The following CATSPERG variants were observed in gnomAD, a reference collection of about 807,000 sequenced individuals.
CATSPERG encodes cation channel sperm-associated auxiliary subunit gamma.
CATSPERG carries 115 observed loss-of-function variants against 145.0 expected under a neutral mutation model. The ratio of observed to expected loss-of-function variants is 0.79; its 90% CI spans 0.68 to 0.93. CATSPERG has a LOEUF of 0.93. Ranked by LOEUF, CATSPERG falls within the 40% of genes least tolerant of loss-of-function variation. The pLI is 0.00. For missense variants in CATSPERG, 1,296 were observed against 1,490.1 expected (o/e 0.87, Z 2.14); for synonymous variants, 588 against 589.0 (o/e 1.00, Z 0.02).
chr19:38,366,980 C>T (rs983021951), intron 22 of CATSPERG, 176 bp from the exon 23 acceptor site: 8 of 613,548 alleles, frequency 1.3e-5, no homozygotes, highest in Non-Finnish European at 2.2e-5. Flanking sequence ...AGGCATGAGC[C>T]ACTGCACCAG....
chr19:38,361,902 T>G lies in CATSPERG; in HGVS notation c.2094+41T>G, dbSNP rs376952947. ...CGGGCGGGCAGGCCTGAGACGGGACTGGGGCAGCCGGGAGCTGGCTTAGAG... is the reference window on the plus strand; with the variant it reads ...CGGGCGGGCAGGCCTGAGACGGGACGGGGGCAGCCGGGAGCTGGCTTAGAG... On this transcript the variant is annotated intron_variant, in intron 17 of 28. Transcript: ENST00000409235. 4.0e-5 allele frequency: 52 copies of G among 1,291,986 alleles called. No homozygotes were observed. The African/African-American group carries it at 7.9e-4, about 20-fold the overall frequency. 80.0% of individuals were successfully genotyped at this position (1,291,986 alleles called of 1,614,324 possible). A position where few individuals can be genotyped will look rare whatever the true frequency, so the allele number is the denominator to read the frequency against.
chr19:38,350,425 T>G (rs1165539434), intron 7 of CATSPERG, among the ~76,000 whole-genome samples: 2 of 152,216 alleles, frequency 1.3e-5, no homozygotes, highest in African/African-American at 4.8e-5. Context: ...TCACCCAGGC[T>G]GGAGTGCAGT....
In CATSPERG at chr19:38,361,631, C is replaced by G; in HGVS notation, c.1881-17C>G. On this transcript the variant is annotated splice_polypyrimidine_tract_variant and intron_variant, in intron 16 of 28. Transcript: ENST00000409235. The stretch of plus-strand genomic sequence containing the variant: ...GTGCCTTAGAGCCAGCAGCCTTTCC[C>G]CCTTGCCACTGCCCAGGGGCTACTT... 1 of 1,602,284 alleles carries G rather than the reference C, an allele frequency of 6.2e-7. No homozygotes were observed. Among genetic ancestry groups the G allele is most frequent in the Non-Finnish European group, 8.5e-7 (1 of 1,176,578 alleles).
intron 3 of CATSPERG, among the ~76,000 whole-genome samples, chr19:38,338,949 G>T (rs944313136): frequency 1.1e-4 from 16 of 152,066 alleles, no homozygotes; most frequent in Non-Finnish European, 1.5e-4. Flanking sequence ...CACCAGGTCG[G>T]GGGGAGGGGG....
rs752503122 is a variant in CATSPERG at position 38,346,469 on chromosome 19, A to G, written c.689A>G (p.Gln230Arg). ...VGEELFNLMP[Q>R]YFVGVSSRPL... ...TGGCAGCTCTTCAACCTGATGCCCC[A>G]GTACTTTGTGGGTGTCTCATCGAGG... The change falls in exon 7 of 29, where the codon CAG becomes CGG. Residue 230 changes from glutamine to arginine, a missense_variant. Gln to Arg is a conservative substitution (Grantham distance 43, BLOSUM62 1). Coordinates refer to ENST00000409235, the MANE Select transcript of CATSPERG (RefSeq NM_021185.5). 10 of 1,548,892 alleles carry G rather than the reference A, an allele frequency of 6.5e-6. No homozygotes were observed. Among genetic ancestry groups the G allele is most frequent in the Non-Finnish European group, 8.7e-6 (10 of 1,144,748 alleles).
chr19:38,338,888 A>T (rs1254506812), intron 3 of CATSPERG, among the ~76,000 whole-genome samples: 1 of 151,984 alleles, frequency 6.6e-6, no homozygotes, highest in African/African-American at 2.4e-5. Context: ...TAATTAATTA[A>T]TTAATTTTTG....
chr19:38,360,607 C>A lies in CATSPERG; in HGVS notation c.1727C>A (p.Thr576Asn), dbSNP rs200132227. ...QQSSLYASNE[T>N]MLTLFYEDSK... ...TCCTCTCTCTACGCATCCAATGAGA[C>A]CATGCTGACCCTCTTCTACGAAGAC... is the stretch of plus-strand genomic sequence containing the variant. Residue 576 changes from threonine to asparagine, a missense_variant, in exon 15 of 29, where the codon ACC becomes AAC. Transcript: ENST00000409235. 1.1e-4 allele frequency: 180 copies of A among 1,614,236 alleles called. 2 individuals carry two copies. In the East Asian group the frequency reaches 3.7e-3, roughly 33 times the overall value.
chr19:38,349,648 T>TTTG lies in CATSPERG; in HGVS notation c.826-2611_826-2610insGTT, dbSNP rs1568374934. On this transcript the variant is annotated intron_variant, in intron 7 of 28. Transcript: ENST00000409235. ...ACAGAGACTGTTGCTCATTGTTTTT[T>TTTG]TTTGTTTGTTTGTTTGTTTGTTTGT... The TTTG allele has an allele frequency of 8.4e-4, 126 of 149,900 alleles. 6 individuals are homozygous for TTTG. Among genetic ancestry groups the TTTG allele is most frequent in the South Asian group, 7.2e-3 (36 of 4,992 alleles). 9.3% of individuals were successfully genotyped at this position (149,900 alleles called of 1,614,324 possible). A position where few individuals can be genotyped will look rare whatever the true frequency, so the allele number is the denominator to read the frequency against.
At position 38,352,595 on chromosome 19, in the gene CATSPERG, CTTTTTTTTTTTTT is replaced by C. The variant is rs576701757; in HGVS notation, c.997+175_997+187del. 5.7e-5 allele frequency: 18 copies of C among 314,610 alleles called. 1 individual carries two copies. Among genetic ancestry groups the C allele is most frequent in the Middle Eastern group, 1.9e-3 (2 of 1,034 alleles). The allele number at this position is 314,610 out of a possible 1,614,324, so 19.5% of individuals were successfully genotyped here. On this transcript the variant is annotated intron_variant, in intron 8 of 28. Transcript: ENST00000409235. ...CACCCCGAATGGGCCTTGCCTTGCCCTTTTTTTTTTTTTTTTTTTTTTTTGCTGGGATGAGGCT... is the reference window on the plus strand; with the variant it reads ...CACCCCGAATGGGCCTTGCCTTGCCCTTTTTTTTTTTGCTGGGATGAGGCT...
At chr19:38,354,381 A>G (rs988126626) in intron 8 of CATSPERG, among the ~76,000 whole-genome samples, 2 of 152,216 alleles carry the variant, frequency 1.3e-5, no homozygotes, top group Admixed American at 6.5e-5. Context: ...TATGCCCCTC[A>G]GTAGCCCCAG....
chr19:38,352,892 A>C (rs1449905178), intron 8 of CATSPERG, among the ~76,000 whole-genome samples: 3 of 151,818 alleles, frequency 2.0e-5, no homozygotes, highest in Non-Finnish European at 4.4e-5. Context: ...GAGTCTAGGC[A>C]CAGTGGCTCA....
In CATSPERG at chr19:38,361,849, C is replaced by T. The variant is rs1211846364; in HGVS notation, c.2082C>T (p.Ser694=). The T allele has an allele frequency of 6.2e-7, 1 of 1,608,454 alleles. No homozygotes were observed. Among genetic ancestry groups the T allele is most frequent in the South Asian group, 1.1e-5 (1 of 90,158 alleles). The change falls in exon 17 of 29, where the codon TCC becomes TCT. Residue 694 remains serine, a synonymous_variant. Transcript: ENST00000409235. The part of the protein sequence containing the change: ...GLVYYLLWLH[S]VYDKPYADPV... ...TCTACTACCTGCTGTGGCTGCACTCCGTGTACGACAAGGTGGGCGTCCGGC... is the reference window on the plus strand; with the variant it reads ...TCTACTACCTGCTGTGGCTGCACTCTGTGTACGACAAGGTGGGCGTCCGGC...
chr19:38,362,175 C>T, intron 17 of CATSPERG, 35 bp from the exon 18 acceptor site: 1 of 1,560,232 alleles, frequency 6.4e-7, no homozygotes, highest in South Asian at 1.2e-5. Context: ...CGCCCCGCTG[C>T]CCAATCCCTT....
At chr19:38,362,189 G>A in intron 17 of CATSPERG, 21 bp from the exon 18 acceptor site, 1 of 1,570,398 alleles carries the variant, frequency 6.4e-7, no homozygotes, top group Non-Finnish European at 8.6e-7. Context: ...ATCCCTTCAC[G>A]GTGCCGGGCG....
chr19:38,367,516 C>T lies in CATSPERG; in HGVS notation c.2778C>T (p.Tyr926=). 1 of 1,614,064 alleles carries T rather than the reference C, an allele frequency of 6.2e-7. No individual in the cohort carries two copies. Among genetic ancestry groups the T allele is most frequent in the Non-Finnish European group, 8.5e-7 (1 of 1,179,960 alleles). Residue 926 remains tyrosine, a synonymous_variant, in exon 24 of 29, where the codon TAC becomes TAT. Transcript: ENST00000409235. The part of the protein sequence containing the change: ...MPCFLFRDIF[Y]PFFLIQDLVT... ...TCCCCTCCAACCCCATAGTTTTCTA[C>T]CCCTTCTTCTTGATTCAAGATTTGG... is the stretch of plus-strand genomic sequence containing the variant.
chr19:38,343,893 G>A lies in CATSPERG; in HGVS notation c.470-100G>A, dbSNP rs975912568. 5 of 1,459,150 alleles carry A rather than the reference G, an allele frequency of 3.4e-6. No individual in the cohort carries two copies. In the African/African-American group the frequency reaches 4.2e-5, roughly 12 times the overall value. 90.4% of individuals were successfully genotyped at this position (1,459,150 alleles called of 1,614,324 possible). On this transcript the variant is annotated intron_variant, in intron 4 of 28. Transcript: ENST00000409235. ...CCCCAGTGGGACCCATGGCGTGGAGGCAGGTATGGGGAGTTGTGGGGAGAT... is the reference window on the plus strand; with the variant it reads ...CCCCAGTGGGACCCATGGCGTGGAGACAGGTATGGGGAGTTGTGGGGAGAT...
chr19:38,362,330 G>GC, intron 18 of CATSPERG, 46 bp from the exon 19 acceptor site: 1 of 1,613,498 alleles, frequency 6.2e-7, no homozygotes, highest in Non-Finnish European at 8.5e-7. Context: ...CCCTCACCGT[G>GC]CCCCACCCCC....
intron 7 of CATSPERG, among the ~76,000 whole-genome samples, chr19:38,348,658 A>C (rs1273587568): frequency 6.6e-6 from 1 of 151,958 alleles, no homozygotes; most frequent in African/African-American, 2.4e-5. Context: ...TTTTTAGTAC[A>C]GATGGGGTTT....
intron 6 of CATSPERG, among the ~76,000 whole-genome samples, chr19:38,345,069 G>A (rs902804874): frequency 2.0e-5 from 3 of 150,364 alleles, no homozygotes; most frequent in Non-Finnish European, 4.4e-5. Context: ...ACCATATCCA[G>A]CTAATTTTTA....
Sources: gnomAD v4.1 joint callset for allele counts (sites outside exome capture counted in the v4.1 genomes callset) on GRCh38, gnomAD v4.1.1 for gene constraint, MANE v1.5 for transcripts, NCBI Gene and HGNC (gene_info 2026-07-23, HGNC 2026-07-21) for gene names.